SUSD4: variants seen among roughly 807,000 people sequenced by gnomAD.
SUSD4 encodes the protein sushi domain-containing protein 4.
Under a neutral mutation model 50.5 loss-of-function variants are expected in SUSD4, and 41 were observed. That is an observed-to-expected ratio of 0.81 (90% CI 0.63 to 1.05). SUSD4 has a LOEUF of 1.05. Among genes scored for constraint, SUSD4 ranks in the 50% least tolerant of loss-of-function variants. SUSD4 has a pLI of 0.00. For synonymous variants in SUSD4, 257 were observed against 257.3 expected, an observed-to-expected ratio of 1.00 and a Z score of 0.01; for missense variants, 580 against 634.7, an observed-to-expected ratio of 0.91 and a Z score of 0.93.
chr1:223,285,449 C>A (rs17479856), intron 3 of SUSD4, among the ~76,000 whole-genome samples: 42,657 of 152,054 alleles, frequency 0.28, 7,427 homozygotes, highest in Non-Finnish European at 0.4. Context: ...CACAATGCCC[C>A]ACAGAGAACT....
At chr1:223,278,432 G>A (rs1177257044) in intron 3 of SUSD4, among the ~76,000 whole-genome samples, 1 of 152,194 alleles carries the variant, frequency 6.6e-6, no homozygotes, top group African/African-American at 2.4e-5. Context: ...ACGCATGACT[G>A]GGAGGGTCCC....
At position 223,221,215 on chromosome 1, in the gene SUSD4, A is replaced by G. The variant is rs1442134698; in HGVS notation, c.*977T>C. The G allele has an allele frequency of 2.5e-6, 1 of 399,598 alleles. No homozygotes were observed. The highest frequency in any genetic ancestry group is 4.4e-6 in the Non-Finnish European group (1 of 226,046). 24.8% of individuals were successfully genotyped at this position (399,598 alleles called of 1,614,324 possible). A position where few individuals can be genotyped will look rare whatever the true frequency, so the allele number is the denominator to read the frequency against. ...CTCACACTTCTTTTGAAGGTCGGAT[A>G]TGTTTACAGAAACAATTTCTGTTTT... On this transcript the variant is annotated 3_prime_UTR_variant, in exon 9 of 9. Transcript: ENST00000366878.
At chr1:223,302,598 C>T (rs183668687) in intron 2 of SUSD4, among the ~76,000 whole-genome samples, 180 of 152,276 alleles carry the variant, frequency 1.2e-3, no homozygotes, top group Admixed American at 3.5e-3. Flanking sequence ...CAAGGTCAGG[C>T]TCAAACATTC....
chr1:223,275,357 A>G (rs972482602), intron 3 of SUSD4, among the ~76,000 whole-genome samples: 2 of 152,232 alleles, frequency 1.3e-5, no homozygotes, highest in Admixed American at 6.5e-5. Flanking sequence ...TTTTCTCTTA[A>G]TAAACCCAAT....
intron 2 of SUSD4, among the ~76,000 whole-genome samples, chr1:223,358,229 C>A (rs1169613318): frequency 6.6e-6 from 1 of 151,994 alleles, no homozygotes; most frequent in Non-Finnish European, 1.5e-5. Context: ...CCAGGATGTA[C>A]AATAGACACT....
At chr1:223,323,976 T>C (rs1352740211) in intron 2 of SUSD4, among the ~76,000 whole-genome samples, 1 of 151,882 alleles carries the variant, frequency 6.6e-6, no homozygotes, top group Non-Finnish European at 1.5e-5. Flanking sequence ...GGGAAATACA[T>C]TTAAGGGGTC....
At chr1:223,284,444 T>C (rs150684516) in intron 3 of SUSD4, among the ~76,000 whole-genome samples, 1 of 152,304 alleles carries the variant, frequency 6.6e-6, no homozygotes, top group Non-Finnish European at 1.5e-5. Flanking sequence ...AAGGAGACCA[T>C]GGGAAATTCA....
At chr1:223,272,756 G>A (rs1258087239) in intron 3 of SUSD4, among the ~76,000 whole-genome samples, 1 of 152,120 alleles carries the variant, frequency 6.6e-6, no homozygotes, top group Admixed American at 6.5e-5. Flanking sequence ...ACTTAATTTT[G>A]TTTAAACCAG....
chr1:223,280,689 G>A (rs945602913), intron 3 of SUSD4, among the ~76,000 whole-genome samples: 4 of 151,840 alleles, frequency 2.6e-5, no homozygotes, highest in African/African-American at 9.7e-5. Flanking sequence ...GAGACAGAAA[G>A]TTTACAAGGA....
At chr1:223,255,500 G>T (rs948406965) in intron 5 of SUSD4, among the ~76,000 whole-genome samples, 16 of 152,164 alleles carry the variant, frequency 1.1e-4, no homozygotes, top group African/African-American at 3.9e-4. Flanking sequence ...AATAAATCTT[G>T]AGTGAGAACA....
chr1:223,290,611 T>C (rs1050045126), intron 3 of SUSD4, among the ~76,000 whole-genome samples: 1 of 152,110 alleles, frequency 6.6e-6, no homozygotes, highest in African/African-American at 2.4e-5. Context: ...CCTGCTGCCA[T>C]GCCTATGTAC....
At chr1:223,351,162 C>T (rs981842880) in intron 2 of SUSD4, among the ~76,000 whole-genome samples, 1 of 152,218 alleles carries the variant, frequency 6.6e-6, no homozygotes, top group South Asian at 2.1e-4. Flanking sequence ...ACATATAAAG[C>T]CACCAAAGCA....
chr1:223,249,508 C>CT (rs1469876211), intron 5 of SUSD4, among the ~76,000 whole-genome samples: 1 of 152,134 alleles, frequency 6.6e-6, no homozygotes, highest in Non-Finnish European at 1.5e-5. Flanking sequence ...CCTTCTCATT[C>CT]TTGTCTATTA....
At chr1:223,263,069 C>T (rs1312415500) in intron 5 of SUSD4, among the ~76,000 whole-genome samples, 1 of 152,208 alleles carries the variant, frequency 6.6e-6, no homozygotes, top group Non-Finnish European at 1.5e-5. Context: ...CTGCTTGAAA[C>T]ACATTTAAAC....
At chr1:223,355,501 C>G (rs9442046) in intron 2 of SUSD4, among the ~76,000 whole-genome samples, 49,834 of 151,996 alleles carry the variant, frequency 0.33, 8,254 homozygotes, top group African/African-American at 0.39. Flanking sequence ...TTACAGATGT[C>G]AGCCACCGCA....
In SUSD4 at chr1:223,221,202, T is replaced by G; in HGVS notation, c.*990A>C. ...GGAAAAATCCAACCTCACACTTCTT[T>G]TGAAGGTCGGATATGTTTACAGAAA... is the stretch of plus-strand genomic sequence containing the variant. On this transcript the variant is annotated 3_prime_UTR_variant, in exon 9 of 9. Transcript: ENST00000366878. 2.5e-6 allele frequency: 1 copy of G among 400,366 alleles called. No individual in the cohort carries two copies. The highest frequency in any genetic ancestry group is 4.4e-6 in the Non-Finnish European group (1 of 226,140). The allele number at this position is 400,366 out of a possible 1,614,324, so 24.8% of individuals were successfully genotyped here. A position where few individuals can be genotyped will look rare whatever the true frequency, so the allele number is the denominator to read the frequency against.
At chr1:223,250,365 G>T (rs997371941) in intron 5 of SUSD4, among the ~76,000 whole-genome samples, 1 of 152,144 alleles carries the variant, frequency 6.6e-6, no homozygotes, top group Admixed American at 6.5e-5. Flanking sequence ...TCACAAGAAC[G>T]TACTATGAGG....
At chr1:223,308,356 T>TA (rs1344629094) in intron 2 of SUSD4, among the ~76,000 whole-genome samples, 1 of 152,116 alleles carries the variant, frequency 6.6e-6, no homozygotes, top group African/African-American at 2.4e-5. Flanking sequence ...TTCCTGCTCT[T>TA]ACCATGTGAG....
chr1:223,233,872 G>C (rs1413211921), intron 5 of SUSD4, among the ~76,000 whole-genome samples: 3 of 150,366 alleles, frequency 2.0e-5, no homozygotes, highest in Admixed American at 2.0e-4. Flanking sequence ...ATTAGCAACA[G>C]GGCTTTTGTG....
Sources: allele counts gnomAD v4.1 joint callset (sites outside exome capture counted in the v4.1 genomes callset), GRCh38; gene constraint gnomAD v4.1.1; transcripts MANE v1.5; gene names NCBI Gene and HGNC (gene_info 2026-07-23, HGNC 2026-07-21).